FGL1: variants seen among roughly 807,000 people sequenced by gnomAD.
The protein encoded by FGL1 is fibrinogen like 1, also known as fibrinogen-like protein 1.
FGL1 carries 59 observed loss-of-function variants against 43.7 expected under a neutral mutation model. The observed-to-expected ratio is 1.35, with a 90% CI of 1.10 to 1.68. The LOEUF is 1.68. Ranked by LOEUF, FGL1 falls within the 40% of genes most tolerant of loss-of-function variation. The pLI is 0.00. For synonymous variants in FGL1, 192 were observed against 126.5 expected (o/e 1.52, Z -3.48); for missense variants, 596 against 373.0 (o/e 1.60, Z -4.92).
intron 3 of FGL1, among the ~76,000 whole-genome samples, 187 bp downstream of exon 3, chr8:17,881,812 C>A (rs35152725): frequency 0.016 from 2,308 of 140,550 alleles, 57 homozygotes; most frequent in African/African-American, 0.06. Context: ...CCTGCCTGGG[C>A]GACAGAGCAA....
At chr8:17,871,059 G>A (rs2053352343) in intron 5 of FGL1, among the ~76,000 whole-genome samples, 2 of 151,984 alleles carry the variant, frequency 1.3e-5, no homozygotes, top group Admixed American at 1.3e-4. Context: ...GAGGTGATGC[G>A]GGCCTCTCTT....
At chr8:17,874,162 G>A in intron 4 of FGL1, 46 bp from the exon 5 acceptor site, 1 of 1,516,858 alleles carries the variant, frequency 6.6e-7, no homozygotes, top group Non-Finnish European at 9.1e-7. Flanking sequence ...CTCCATTTGT[G>A]GTACCAAAGC....
At position 17,868,645 on chromosome 8, in the gene FGL1, T is replaced by A. The variant is rs149352296; in HGVS notation, c.682A>T (p.Ser228Cys). 5 of 1,614,006 alleles carry A rather than the reference T, an allele frequency of 3.1e-6. No individual in the cohort carries two copies. Among genetic ancestry groups the A allele is most frequent in the Non-Finnish European group, 4.2e-6 (5 of 1,179,982 alleles). ...NFHPEVQWWA[S>C]HQRMKFSTWD... ...GTGCTGAATTTCATTCTTTGGTGACTAGCCCACCACTGCACCTCAGGATGA... is the reference window on the plus strand; with the variant it reads ...GTGCTGAATTTCATTCTTTGGTGACAAGCCCACCACTGCACCTCAGGATGA... Residue 228 changes from serine to cysteine, a missense_variant, in exon 7 of 8, where the codon AGT (serine) becomes TGT (cysteine). Ser to Cys is a moderately radical substitution (Grantham distance 112). Transcript: ENST00000427924.
At chr8:17,884,619 T>C (rs1376978692) in intron 2 of FGL1, among the ~76,000 whole-genome samples, 2 of 152,152 alleles carry the variant, frequency 1.3e-5, no homozygotes, top group African/African-American at 4.8e-5. Context: ...AGCAAGAACA[T>C]TTTATGGTGT....
chr8:17,882,971 A>G (rs2053565027), intron 2 of FGL1, among the ~76,000 whole-genome samples: 1 of 100,344 alleles, frequency 1.0e-5, no homozygotes, highest in Non-Finnish European at 1.7e-5. Flanking sequence ...CATATATAAT[A>G]TATTAAATAT....
chr8:17,882,802 TAAACA>T (rs2053558749), intron 2 of FGL1: 6 of 125,322 alleles, frequency 4.8e-5, no homozygotes, highest in African/African-American at 1.9e-4. Context: ...TATAATATAT[TAAACA>T]ATATATAATA....
intron 1 of FGL1, among the ~76,000 whole-genome samples, chr8:17,890,186 C>A (rs2053684429): frequency 6.6e-6 from 1 of 152,154 alleles, no homozygotes; most frequent in Non-Finnish European, 1.5e-5. Context: ...TATACAACAT[C>A]CAATCATTTC....
rs1172572579 is a variant in FGL1 at position 17,875,481 on chromosome 8, C to CTCTTTCTTTCTTTCTTTCTTTCTTTCTT, written c.245-988_245-961dup. Reference sequence around the variant, plus strand: ...CCCCTTTGTCACCAAAAAGTGATATCTCTTTCTTTCTTTCTTTCTTTCTTT... The same window carrying CTCTTTCTTTCTTTCTTTCTTTCTTTCTT: ...CCCCTTTGTCACCAAAAAGTGATATCTCTTTCTTTCTTTCTTTCTTTCTTTCTTTCTTTCTTTCTTTCTTTCTTTCTTT... On this transcript the variant is annotated intron_variant, in intron 3 of 7. Transcript: ENST00000427924. Among the ~76,000 whole-genome samples the CTCTTTCTTTCTTTCTTTCTTTCTTTCTT allele has an allele frequency of 1.4e-3, 183 of 129,788 alleles. 4 individuals carry two copies. The highest frequency in any genetic ancestry group is 2.6e-3 in the African/African-American group (80 of 30,846). 85.1% of individuals were successfully genotyped at this position (129,788 alleles called of 152,430 possible).
intron 1 of FGL1, chr8:17,895,228 AT>A: frequency 1.2e-6 from 1 of 868,140 alleles, no homozygotes; most frequent in Non-Finnish European, 1.4e-6. Context: ...AACATACCTT[AT>A]TTGTATATCT....
rs780209580 is a variant in FGL1 at position 17,868,542 on chromosome 8, T to G, written c.779+6A>C. 6.2e-7 allele frequency: 1 copy of G among 1,608,402 alleles called. No individual in the cohort carries two copies. The highest frequency in any genetic ancestry group is 1.1e-5 in the South Asian group (1 of 90,058). The stretch of plus-strand genomic sequence containing the variant: ...CCATTACAACTATGCTCATAAGACA[T>G]CAAACCTGTTAAACCACCAGCCAGA... On this transcript the variant is annotated splice_donor_region_variant and intron_variant, in intron 7 of 7. Coordinates refer to ENST00000427924, the MANE Select transcript of FGL1 (RefSeq NM_004467.4).
intron 4 of FGL1, 80 bp from the exon 5 acceptor site, chr8:17,874,196 C>G: frequency 7.4e-7 from 1 of 1,344,344 alleles, no homozygotes; most frequent in Admixed American, 2.0e-5. Context: ...CCCCTGCTAC[C>G]ACCACCTCCA....
At position 17,868,303 on chromosome 8, in the gene FGL1, C is replaced by T. The variant is rs909556310; in HGVS notation, c.779+245G>A. On this transcript the variant is annotated intron_variant, in intron 7 of 7. Coordinates refer to ENST00000427924, the MANE Select transcript of FGL1 (RefSeq NM_004467.4). Reference sequence around the variant, plus strand: ...TTCTATTTATAACTCATCCATAATTCAGTTTGCAAATGATCTTTGTAAAAG... The same window carrying T: ...TTCTATTTATAACTCATCCATAATTTAGTTTGCAAATGATCTTTGTAAAAG... 1.7e-5 allele frequency: 5 copies of T among 291,070 alleles called. No individual in the cohort carries two copies. In the Admixed American group the frequency reaches 2.5e-4, roughly 15 times the overall value. The allele number at this position is 291,070 out of a possible 1,614,324, so 18.0% of individuals were successfully genotyped here. A position where few individuals can be genotyped will look rare whatever the true frequency, so the allele number is the denominator to read the frequency against.
In FGL1 at chr8:17,875,547, T is replaced by TTCTTTCTTTCTCTCTCTC. The variant is rs2053440089; in HGVS notation, c.245-1027_245-1026insGAGAGAGAGAAAGAAAGA. 1.2e-4 allele frequency among the ~76,000 whole-genome samples: 2 copies of TTCTTTCTTTCTCTCTCTC among 16,244 alleles called. 1 individual carries two copies. The highest frequency in any genetic ancestry group is 2.6e-3 in the East Asian group (2 of 760). The allele number at this position is 16,244 out of a possible 152,430, so 10.7% of individuals were successfully genotyped here. The stretch of plus-strand genomic sequence containing the variant: ...TCTTTCTTTCTTTCTCTTTCTTTCT[T>TTCTTTCTTTCTCTCTCTC]TCTTTCTTTCTTTCTTTCTTTCTTT... On this transcript the variant is annotated intron_variant, in intron 3 of 7. Transcript: ENST00000427924.
chr8:17,868,787 T>A, intron 6 of FGL1, 52 bp from the exon 7 acceptor site: 1 of 1,528,726 alleles, frequency 6.5e-7, no homozygotes, highest in Non-Finnish European at 8.8e-7. Flanking sequence ...ATGACCATTT[T>A]AAAATTAAGT....
chr8:17,870,101 C>T (rs2131697908), intron 5 of FGL1, among the ~76,000 whole-genome samples: 1 of 152,046 alleles, frequency 6.6e-6, no homozygotes, highest in African/African-American at 2.4e-5. Context: ...CAGAGCGAGA[C>T]TCCGTCGCAA....
rs1172648373 is a variant in FGL1 at position 17,882,083 on chromosome 8, G to C, written c.160C>G (p.Leu54Val). Reference protein sequence around the residue: ...VKQQQVKIKQLLQENEVQFLD... With the variant: ...VKQQQVKIKQVLQENEVQFLD... The stretch of plus-strand genomic sequence containing the variant: ...AACTGGACTTCATTCTCCTGCAAAA[G>C]CTGCTTGATCTTGACCTGTTGCTGT... Residue 54 changes from leucine to valine, a missense_variant, in exon 3 of 8, where the codon CTT becomes GTT. Coordinates refer to ENST00000427924, the MANE Select transcript of FGL1 (RefSeq NM_004467.4). The C allele has an allele frequency of 1.2e-6, 2 of 1,613,912 alleles. No homozygotes were observed. The highest frequency in any genetic ancestry group is 1.7e-6 in the Non-Finnish European group (2 of 1,179,988).
chr8:17,886,869 A>G (rs2053636242), intron 1 of FGL1, among the ~76,000 whole-genome samples: 1 of 152,136 alleles, frequency 6.6e-6, no homozygotes, highest in East Asian at 1.9e-4. Context: ...GAGAAGCGAG[A>G]GAAGTCACAG....
At chr8:17,867,886 A>G (rs2053293885) in intron 7 of FGL1, among the ~76,000 whole-genome samples, 1 of 152,230 alleles carries the variant, frequency 6.6e-6, no homozygotes, top group Admixed American at 6.5e-5. Context: ...CCTGGGCAAC[A>G]TGGCAAAACC....
At chr8:17,878,530 G>T (rs1369385246) in intron 3 of FGL1, among the ~76,000 whole-genome samples, 2 of 152,042 alleles carry the variant, frequency 1.3e-5, no homozygotes, top group African/African-American at 4.8e-5. Context: ...GAACGGCGGT[G>T]GTGACGCCAG....
Sources: gnomAD v4.1 joint callset for allele counts (sites outside exome capture counted in the v4.1 genomes callset) on GRCh38, gnomAD v4.1.1 for gene constraint, MANE v1.5 for transcripts, NCBI Gene and HGNC (gene_info 2026-07-23, HGNC 2026-07-21) for gene names.